SEMA4D: variants seen among roughly 807,000 people sequenced by gnomAD.
SEMA4D encodes semaphorin 4D.
SEMA4D carries 22 observed loss-of-function variants against 74.8 expected under a neutral mutation model. That is an observed-to-expected ratio of 0.29 (90% CI 0.21 to 0.42). The LOEUF is 0.42. Ranked by LOEUF, SEMA4D falls within the 10% of genes least tolerant of loss-of-function variation. The pLI is 1.00. For missense variants in SEMA4D, 937 were observed against 1,118.4 expected (o/e 0.84, Z 2.31); for synonymous variants, 445 against 463.7 (o/e 0.96, Z 0.52).
chr9:89,423,503 T>C (rs1352573366), intron 2 of SEMA4D, among the ~76,000 whole-genome samples: 1 of 152,174 alleles, frequency 6.6e-6, no homozygotes, highest in East Asian at 1.9e-4. Context: ...TCAAACATTT[T>C]TTATGCTTCT....
chr9:89,370,856 G>T (rs1351168212), intron 16 of SEMA4D, among the ~76,000 whole-genome samples: 2 of 146,948 alleles, frequency 1.4e-5, no homozygotes, highest in Non-Finnish European at 3.0e-5. Context: ...GGGCGTGTGT[G>T]TGTGGGATGT....
chr9:89,451,449 A>G (rs534520065), intron 2 of SEMA4D, among the ~76,000 whole-genome samples: 1 of 152,224 alleles, frequency 6.6e-6, no homozygotes, highest in African/African-American at 2.4e-5. Context: ...TCTGGAGTCA[A>G]TGGGGTCTTC....
chr9:89,447,739 C>CAG (rs1853305589), intron 2 of SEMA4D, among the ~76,000 whole-genome samples: 5 of 151,734 alleles, frequency 3.3e-5, no homozygotes, highest in Non-Finnish European at 7.4e-5. Flanking sequence ...CCACCACCTC[C>CAG]TCTCCTACCC....
At chr9:89,363,539 G>A (rs2132214283) in intron 17 of SEMA4D, 1 of 1,613,858 alleles carries the variant, frequency 6.2e-7, no homozygotes, top group East Asian at 2.2e-5. Context: ...TGGAAAACAA[G>A]CAGGGTCCCC....
intron 1 of SEMA4D, among the ~76,000 whole-genome samples, chr9:89,476,071 G>A (rs1192463736): frequency 2.6e-5 from 4 of 152,190 alleles, no homozygotes; most frequent in East Asian, 3.9e-4. Context: ...AGGTGTGAGC[G>A]CAGCTTGCAC....
At chr9:89,407,241 T>G (rs1843512372) in intron 2 of SEMA4D, among the ~76,000 whole-genome samples, 2 of 152,226 alleles carry the variant, frequency 1.3e-5, no homozygotes, top group Non-Finnish European at 2.9e-5. Flanking sequence ...AAACTGTATG[T>G]GGAATTTATT....
chr9:89,426,043 G>A (rs1587798996), intron 2 of SEMA4D, among the ~76,000 whole-genome samples: 2 of 152,366 alleles, frequency 1.3e-5, no homozygotes, highest in East Asian at 3.9e-4. Flanking sequence ...AGCCTGGGGA[G>A]ATGCCCTGCA....
At chr9:89,434,719 CA>C (rs1321369414) in intron 2 of SEMA4D, among the ~76,000 whole-genome samples, 1 of 152,204 alleles carries the variant, frequency 6.6e-6, no homozygotes, top group Non-Finnish European at 1.5e-5. Flanking sequence ...GAAACATTCA[CA>C]GGTTCCAGGG....
At chr9:89,457,279 T>A (rs1856173493) in intron 1 of SEMA4D, among the ~76,000 whole-genome samples, 1 of 152,152 alleles carries the variant, frequency 6.6e-6, no homozygotes, top group Non-Finnish European at 1.5e-5. Flanking sequence ...ACTGTGACGC[T>A]CGGGATGCTG....
In SEMA4D at chr9:89,381,230, G is replaced by A. The variant is rs760916993; in HGVS notation, c.1563C>T (p.Ala521=). ...DCVLARDPYC[A]WSPPTATCVA... The stretch of plus-strand genomic sequence containing the variant: ...CGCAGGTCGCTGTGGGCGGGCTCCA[G>A]GCGCAGTAGGGGTCCCGCGCCAGCA... Residue 521 remains alanine (A), a synonymous_variant, in exon 14 of 16, where the codon GCC becomes GCT. Coordinates refer to ENST00000422704, the MANE Select transcript of SEMA4D (RefSeq NM_001371194.2). This position sits in a 1 kb window ranked among gnomAD's most constrained non-coding sequence, Gnocchi z 4.6. 5.0e-6 allele frequency: 8 copies of A among 1,606,850 alleles called. No homozygotes were observed. Among genetic ancestry groups the A allele is most frequent in the South Asian group, 2.2e-5 (2 of 90,868 alleles).
intron 18 of SEMA4D, chr9:89,362,570 A>G (rs1296015377): frequency 1.4e-6 from 2 of 1,450,852 alleles, no homozygotes. Context: ...CTTGGAGTCT[A>G]AAGATCCAAA....
chr9:89,448,874 G>T (rs1853625709), intron 2 of SEMA4D, among the ~76,000 whole-genome samples: 1 of 152,204 alleles, frequency 6.6e-6, no homozygotes, highest in South Asian at 2.1e-4. Flanking sequence ...GGGACCCCAG[G>T]GGTGGCCAAA....
intron 13 of SEMA4D, chr9:89,385,877 C>A (rs887336677): frequency 4.6e-6 from 2 of 434,986 alleles, no homozygotes; most frequent in African/African-American, 4.4e-5. Context: ...CCCGCCCACC[C>A]ACCCCTGCCA....
At chr9:89,382,724 G>C (rs541188283) in intron 13 of SEMA4D, among the ~76,000 whole-genome samples, 7 of 152,340 alleles carry the variant, frequency 4.6e-5, no homozygotes, top group African/African-American at 1.7e-4. Flanking sequence ...TGGCAGCAAA[G>C]CCAAGCTGGG....
chr9:89,474,939 G>A lies in SEMA4D; in HGVS notation c.-309-18986C>T, dbSNP rs527622705. ...GAAAAGTCCCAGAAAGCACTTCTGA[G>A]AGCAGCAGCTCTGGCTTTAGAACCT... On this transcript the variant is annotated intron_variant, in intron 1 of 15. Coordinates refer to ENST00000422704, the MANE Select transcript of SEMA4D (RefSeq NM_001371194.2). Among the ~76,000 whole-genome samples, 166 of 152,374 alleles carry A rather than the reference G, an allele frequency of 1.1e-3. 2 individuals carry two copies. Among genetic ancestry groups the A allele is most frequent in the South Asian group, 4.1e-3 (20 of 4,830 alleles).
intron 16 of SEMA4D, among the ~76,000 whole-genome samples, chr9:89,371,995 T>G (rs1468471696): frequency 8.8e-6 from 1 of 113,450 alleles, no homozygotes; most frequent in Non-Finnish European, 1.8e-5. Context: ...GGGTGTGGTG[T>G]GTGTCTGGGG....
intron 18 of SEMA4D, chr9:89,362,495 G>A: frequency 6.2e-7 from 1 of 1,613,790 alleles, no homozygotes; most frequent in Non-Finnish European, 8.5e-7. Context: ...CTGCAGCCCA[G>A]TCTGTCTCAT....
At chr9:89,386,620 C>A in intron 12 of SEMA4D, 138 bp from the exon 13 acceptor site, 4 of 590,600 alleles carry the variant, frequency 6.8e-6, no homozygotes, top group South Asian at 2.1e-5. Context: ...GATGATTTCG[C>A]ATTAGAAACA....
chr9:89,463,621 G>C (rs1271593636), intron 1 of SEMA4D, among the ~76,000 whole-genome samples: 1 of 152,182 alleles, frequency 6.6e-6, no homozygotes, highest in Non-Finnish European at 1.5e-5. Context: ...ACAACACAAG[G>C]TCTCTATGTT....
Sources: gnomAD v4.1 joint callset for allele counts (sites outside exome capture counted in the v4.1 genomes callset) on GRCh38, gnomAD v4.1.1 for gene constraint, Gnocchi (gnomAD v3.1) non-coding constraint, MANE v1.5 for transcripts, NCBI Gene and HGNC (gene_info 2026-07-23, HGNC 2026-07-21) for gene names.